NELL1: variants seen among roughly 807,000 people sequenced by gnomAD.
NELL1 encodes the protein neural EGFL like 1, also known as protein kinase C-binding protein NELL1.
NELL1 carries 76 observed loss-of-function variants against 107.4 expected under a neutral mutation model. The ratio of observed to expected loss-of-function variants is 0.71; its 90% CI spans 0.59 to 0.86. The LOEUF is 0.86. Among genes scored for constraint, NELL1 ranks in the 40% least tolerant of loss-of-function variants. NELL1 has a pLI of 0.00. For synonymous variants in NELL1, 353 were observed against 341.2 expected (o/e 1.03, Z -0.38); for missense variants, 1,024 against 1,005.5 (o/e 1.02, Z -0.25).
chr11:20,999,471 TG>T (rs1180693270), intron 12 of NELL1, among the ~76,000 whole-genome samples: 1 of 152,220 alleles, frequency 6.6e-6, no homozygotes, highest in Non-Finnish European at 1.5e-5. Context: ...TTCCACTCAT[TG>T]GGCAGAAAGA....
chr11:21,196,930 G>A (rs1387047571), intron 13 of NELL1, among the ~76,000 whole-genome samples: 1 of 142,522 alleles, frequency 7.0e-6, no homozygotes, highest in Non-Finnish European at 1.5e-5. Context: ...GGAGTGTAGT[G>A]GTGCCATCTT....
intron 12 of NELL1, among the ~76,000 whole-genome samples, chr11:21,096,056 A>C (rs1467682148): frequency 6.6e-6 from 1 of 152,052 alleles, no homozygotes; most frequent in Admixed American, 6.6e-5. Flanking sequence ...TTACCTCCCA[A>C]CAGTCTCTCC....
chr11:20,722,128 C>T (rs1855405700), intron 2 of NELL1, among the ~76,000 whole-genome samples: 1 of 151,742 alleles, frequency 6.6e-6, no homozygotes, highest in East Asian at 1.9e-4. Flanking sequence ...TCAAGTGATC[C>T]TCCCGCCTCA....
Position 21,523,091 on chromosome 11 carries a change from C to T in NELL1, c.1646-11283C>T, listed in dbSNP as rs139990880. 7.4e-4 allele frequency among the ~76,000 whole-genome samples: 112 copies of T among 152,082 alleles called. 2 individuals carry two copies. The highest frequency in any genetic ancestry group is 6.8e-3 in the Middle Eastern group (2 of 292). Reference sequence around the variant, plus strand: ...CTTGATCTCCTGACCTCGTGATCCGCCCGCCTCGGCATCCCAAAGAGCTGG... The same window carrying T: ...CTTGATCTCCTGACCTCGTGATCCGTCCGCCTCGGCATCCCAAAGAGCTGG... On this transcript the variant is annotated intron_variant, in intron 15 of 19. Transcript: ENST00000357134.
chr11:21,133,772 C>T (rs913748679), intron 13 of NELL1, among the ~76,000 whole-genome samples: 1 of 152,176 alleles, frequency 6.6e-6, no homozygotes, highest in Non-Finnish European at 1.5e-5. Context: ...AGAGCAAGCA[C>T]TTCCAAGCCT....
At chr11:21,061,682 G>A (rs1853745085) in intron 12 of NELL1, among the ~76,000 whole-genome samples, 1 of 149,786 alleles carries the variant, frequency 6.7e-6, no homozygotes, top group Non-Finnish European at 1.5e-5. Context: ...TAGAGTGAGA[G>A]AAAGGGAGAT....
At chr11:20,895,344 A>G (rs1223845583) in intron 5 of NELL1, among the ~76,000 whole-genome samples, 4 of 133,524 alleles carry the variant, frequency 3.0e-5, no homozygotes, top group East Asian at 4.8e-4. Context: ...TACTGTGTAT[A>G]TGTACCCTTT....
At chr11:21,218,095 T>C (rs1050025252) in intron 13 of NELL1, among the ~76,000 whole-genome samples, 1 of 152,186 alleles carries the variant, frequency 6.6e-6, no homozygotes, top group Non-Finnish European at 1.5e-5. Flanking sequence ...TTTTTTGTCC[T>C]GATAAGTTGG....
chr11:21,417,988 T>G (rs192582986), intron 15 of NELL1, among the ~76,000 whole-genome samples: 12 of 152,258 alleles, frequency 7.9e-5, no homozygotes, highest in African/African-American at 2.9e-4. Context: ...TCCCAAGCAC[T>G]ATGCAAATTC....
chr11:21,303,482 C>T (rs945828745), intron 14 of NELL1, among the ~76,000 whole-genome samples: 2 of 151,946 alleles, frequency 1.3e-5, no homozygotes, highest in African/African-American at 4.8e-5. Flanking sequence ...TAATGGGTTT[C>T]CATCTGACTG....
chr11:21,234,894 C>A (rs976004476), intron 14 of NELL1, among the ~76,000 whole-genome samples: 10 of 152,036 alleles, frequency 6.6e-5, no homozygotes, highest in African/African-American at 2.4e-4. Flanking sequence ...TTCAGAGGCT[C>A]ACAGGCAATA....
chr11:21,323,698 G>T (rs950404154), intron 14 of NELL1, among the ~76,000 whole-genome samples: 2 of 152,006 alleles, frequency 1.3e-5, no homozygotes, highest in African/African-American at 2.4e-5. Context: ...TCCCGTCTTT[G>T]TCATGTTACC....
At chr11:21,528,691 G>A (rs1439968489) in intron 15 of NELL1, among the ~76,000 whole-genome samples, 1 of 151,968 alleles carries the variant, frequency 6.6e-6, no homozygotes, top group Non-Finnish European at 1.5e-5. Flanking sequence ...GACTAAGACA[G>A]TTATGTTATC....
At chr11:21,549,737 C>G (rs117462491) in intron 16 of NELL1, among the ~76,000 whole-genome samples, 1 of 151,744 alleles carries the variant, frequency 6.6e-6, no homozygotes. Flanking sequence ...ATTAAAGATA[C>G]CAGCAGTATT....
chr11:21,218,602 T>C (rs914646782), intron 13 of NELL1, among the ~76,000 whole-genome samples: 5 of 152,188 alleles, frequency 3.3e-5, no homozygotes, highest in African/African-American at 1.2e-4. Flanking sequence ...TCTTTAGCTA[T>C]AATTTTCTGT....
chr11:21,319,019 A>G (rs1226352826), intron 14 of NELL1, among the ~76,000 whole-genome samples: 2 of 152,012 alleles, frequency 1.3e-5, no homozygotes, highest in African/African-American at 4.8e-5. Context: ...TGCTTAGAAC[A>G]TTGTGTTACT....
intron 13 of NELL1, among the ~76,000 whole-genome samples, chr11:21,175,225 G>A (rs80250065): frequency 0.018 from 2,750 of 151,720 alleles, 138 homozygotes; most frequent in African/African-American, 0.062. Context: ...GCCAGTAACC[G>A]CATTAACACC....
intron 14 of NELL1, among the ~76,000 whole-genome samples, chr11:21,275,331 C>T (rs1330300858): frequency 1.3e-5 from 2 of 152,096 alleles, no homozygotes; most frequent in East Asian, 1.9e-4. Flanking sequence ...ACACATACAC[C>T]CTCCTGAGAC....
At chr11:21,469,729 A>G (rs1854125603) in intron 15 of NELL1, among the ~76,000 whole-genome samples, 1 of 152,098 alleles carries the variant, frequency 6.6e-6, no homozygotes, top group Non-Finnish European at 1.5e-5. Flanking sequence ...GGCAAATGCA[A>G]CAATGGTGAT....
Sources: allele counts gnomAD v4.1 joint callset (sites outside exome capture counted in the v4.1 genomes callset), GRCh38; gene constraint gnomAD v4.1.1; transcripts MANE v1.5; gene names NCBI Gene and HGNC (gene_info 2026-07-23, HGNC 2026-07-21).